Variants in FRMPD1 observed in about 807,000 individuals in gnomAD.
The protein encoded by FRMPD1 is FERM and PDZ domain containing 1.
FRMPD1 carries 76 observed loss-of-function variants against 117.8 expected under a neutral mutation model. That is an observed-to-expected ratio of 0.65 (90% CI 0.54 to 0.78). The LOEUF (loss-of-function observed/expected upper bound fraction) is 0.78. Ranked by LOEUF, FRMPD1 falls within the 30% of genes least tolerant of loss-of-function variation. The probability of loss-of-function intolerance (pLI) is 0.00; values close to 1 mark genes in which losing one functional copy is unlikely to be tolerated. For missense variants in FRMPD1, 1,786 were observed against 1,964.5 expected (o/e 0.91, Z 1.72); for synonymous variants, 783 against 770.4 (o/e 1.02, Z -0.27).
chr9:37,718,619 T>C (rs928475758), intron 5 of FRMPD1, among the ~76,000 whole-genome samples: 1 of 152,218 alleles, frequency 6.6e-6, no homozygotes, highest in African/African-American at 2.4e-5. Context: ...CTAACTCCTA[T>C]ATTGTGTAGA....
chr9:37,646,500 T>C (rs1208391738), upstream of FRMPD1, among the ~76,000 whole-genome samples: 2 of 152,352 alleles, frequency 1.3e-5, no homozygotes, highest in East Asian at 3.9e-4. Context: ...TTCCATACAG[T>C]GTTCTTTCTT....
chr9:37,654,127 G>A (rs867612238), intron 1 of FRMPD1, among the ~76,000 whole-genome samples: 4 of 152,254 alleles, frequency 2.6e-5, no homozygotes, highest in South Asian at 2.1e-4. Context: ...AGAATACATC[G>A]GAACAAAAGG....
chr9:37,696,308 A>G (rs12375538), intron 2 of FRMPD1, among the ~76,000 whole-genome samples: 52,417 of 151,330 alleles, frequency 0.35, 9,722 homozygotes, highest in Non-Finnish European at 0.43. Context: ...TTATAATTAT[A>G]TATATATTTA....
the FRMPD1 span, among the ~76,000 whole-genome samples, chr9:37,604,784 G>A: frequency 6.6e-6 from 1 of 152,302 alleles, no homozygotes; most frequent in East Asian, 1.9e-4. Context: ...AAAAATGAGG[G>A]AACCAGCCAG....
intron 4 of FRMPD1, among the ~76,000 whole-genome samples, chr9:37,710,341 TGCTTCTCCATGGTAGCAGTG>T (rs1822859354): frequency 6.6e-6 from 1 of 152,206 alleles, no homozygotes; most frequent in Admixed American, 6.5e-5. Flanking sequence ...TTTTGCCAAC[TGCTTCTCCATGGTAGCAGTG>T]GCAAAGAGAA....
rs760286622 is a variant in FRMPD1 at position 37,746,123 on chromosome 9, C to T, written c.4091C>T (p.Ala1364Val). The change falls in exon 16 of 16, where the codon GCC (alanine) becomes GTC (valine). Residue 1364 changes from alanine (A) to valine (V), a missense_variant. Transcript: ENST00000377765. ...AGGGACTTGGAAGCACACCCCATGGCCCCCCTCACCTCACCGCCCTCTGCG... is the reference window on the plus strand; with the variant it reads ...AGGGACTTGGAAGCACACCCCATGGTCCCCCTCACCTCACCGCCCTCTGCG... The part of the protein sequence containing the change: ...EDRDLEAHPM[A>V]PLTSPPSAGS... The T allele has an allele frequency of 2.5e-6, 4 of 1,613,988 alleles. No homozygotes were observed. The highest frequency in any genetic ancestry group is 1.7e-5 in the Admixed American group (1 of 60,006).
upstream of FRMPD1, among the ~76,000 whole-genome samples, chr9:37,647,746 A>G (rs952132483): frequency 1.6e-4 from 25 of 152,336 alleles, 1 homozygote; most frequent in Admixed American, 1.1e-3. Flanking sequence ...TATGCTGTAC[A>G]TAAGTACAGC....
chr9:37,673,411 C>T (rs563031339), intron 1 of FRMPD1, among the ~76,000 whole-genome samples: 1 of 152,224 alleles, frequency 6.6e-6, no homozygotes, highest in Non-Finnish European at 1.5e-5. Flanking sequence ...AGGGTACAGC[C>T]TCCCTCCCAG....
rs1322096952 is a variant in FRMPD1 at position 37,731,431 on chromosome 9, C to A, written c.858+328C>A. On this transcript the variant is annotated intron_variant, in intron 9 of 15. Coordinates refer to ENST00000377765, the MANE Select transcript of FRMPD1 (RefSeq NM_014907.3). Reference sequence around the variant, plus strand: ...TTAAAACCTCGTTTTAGAATGATGACACTGAGTCTTGGAAAGGTCGTGTGA... The same window carrying A: ...TTAAAACCTCGTTTTAGAATGATGAAACTGAGTCTTGGAAAGGTCGTGTGA... Among the ~76,000 whole-genome samples the A allele has an allele frequency of 1.3e-5, 2 of 152,148 alleles. 1 individual carries two copies. Among genetic ancestry groups the A allele is most frequent in the East Asian group, 3.8e-4 (2 of 5,202 alleles).
At chr9:37,736,924 C>G (rs1824160905) in intron 13 of FRMPD1, among the ~76,000 whole-genome samples, 172 bp from the exon 14 acceptor site, 1 of 151,726 alleles carries the variant, frequency 6.6e-6, no homozygotes, top group African/African-American at 2.4e-5. Context: ...CGAGTACATG[C>G]ATGTCCTCAT....
rs1824696379 is a variant in FRMPD1, at chr9:37,746,088, G to A, written c.4056G>A (p.Glu1352=). 6.2e-7 allele frequency: 1 copy of A among 1,614,220 alleles called. No homozygotes were observed. The highest frequency in any genetic ancestry group is 1.7e-5 in the Admixed American group (1 of 60,032). The change falls in exon 16 of 16, where the codon GAG becomes GAA. Residue 1352 remains glutamate, a synonymous_variant. Coordinates refer to ENST00000377765, the MANE Select transcript of FRMPD1 (RefSeq NM_014907.3). ...TCCGTGGCCCGCAGCCTGAGACAGAGGAAGAAGACAGGGACTTGGAAGCAC... is the reference window on the plus strand; with the variant it reads ...TCCGTGGCCCGCAGCCTGAGACAGAAGAAGAAGACAGGGACTTGGAAGCAC... ...TCFRGPQPET[E]EEDRDLEAHP...
chr9:37,700,827 A>G (rs1822503645), intron 2 of FRMPD1, among the ~76,000 whole-genome samples: 1 of 152,226 alleles, frequency 6.6e-6, no homozygotes, highest in African/African-American at 2.4e-5. Context: ...GTAAGATCAC[A>G]GAAATGACCT....
Position 37,746,594 on chromosome 9 carries a change from C to T in FRMPD1, c.4562C>T (p.Ala1521Val), listed in dbSNP as rs150133117. The stretch of plus-strand genomic sequence containing the variant: ...TGCTCCGCCCGGCACAGGGAGGCAG[C>T]GGGGAACCTGAGGGATGTGGTGTAC... ...SRCSARHREAAGNLRDVVYTY... is the reference protein window; with the variant it reads ...SRCSARHREAVGNLRDVVYTY... Residue 1521 changes from alanine to valine, a missense_variant, in exon 16 of 16, where the codon GCG (alanine) becomes GTG (valine). Coordinates refer to ENST00000377765, the MANE Select transcript of FRMPD1 (RefSeq NM_014907.3). The T allele has an allele frequency of 8.4e-5, 135 of 1,613,936 alleles. No individual in the cohort carries two copies. The African/African-American group carries it at 1.3e-3, about 16-fold the overall frequency.
chr9:37,632,996 A>G, the FRMPD1 span, among the ~76,000 whole-genome samples: 2 of 143,420 alleles, frequency 1.4e-5, no homozygotes, highest in African/African-American at 5.1e-5. Context: ...AAATATATAC[A>G]TATATTTCTT....
At chr9:37,639,541 T>G in the FRMPD1 span, among the ~76,000 whole-genome samples, 1 of 152,218 alleles carries the variant, frequency 6.6e-6, no homozygotes, top group Non-Finnish European at 1.5e-5. Context: ...TTATGTCTCC[T>G]AGTAGAGCTT....
At chr9:37,639,848 A>C in the FRMPD1 span, among the ~76,000 whole-genome samples, 2 of 152,128 alleles carry the variant, frequency 1.3e-5, no homozygotes, top group East Asian at 3.9e-4. Flanking sequence ...TTTTGTAGAG[A>C]CTGCGTTTTG....
At chr9:37,700,614 A>G (rs1427853243) in intron 2 of FRMPD1, among the ~76,000 whole-genome samples, 1 of 152,232 alleles carries the variant, frequency 6.6e-6, no homozygotes, top group Non-Finnish European at 1.5e-5. Context: ...GTGAAGTGCA[A>G]TCAGTATCCA....
chr9:37,667,278 C>G (rs977717462), intron 1 of FRMPD1, among the ~76,000 whole-genome samples: 1 of 150,758 alleles, frequency 6.6e-6, no homozygotes, highest in Non-Finnish European at 1.5e-5. Context: ...GTTGGCCAGG[C>G]TGGTCTAGAA....
rs62640016 is a variant in FRMPD1 at position 37,745,565 on chromosome 9, C to T, written c.3533C>T (p.Pro1178Leu). Residue 1178 changes from proline (P) to leucine (L), a missense_variant, in exon 16 of 16, where the codon CCT becomes CTT. Physicochemically the swap from Pro to Leu is moderately conservative, Grantham distance 98 (BLOSUM62 -3). Coordinates refer to ENST00000377765, the MANE Select transcript of FRMPD1 (RefSeq NM_014907.3). ...TGTEQIPPHP[P>L]RDPQGQSREP... is the part of the protein sequence containing the mutation. The stretch of plus-strand genomic sequence containing the variant: ...ACCGAGCAGATCCCACCACATCCCC[C>T]TAGAGACCCTCAAGGACAGAGCAGA... 3,431 of 1,614,004 alleles carry T rather than the reference C, an allele frequency of 2.1e-3. 66 individuals are homozygous for T. In the African/African-American group the frequency reaches 0.041, roughly 19 times the overall value.
Sources: gnomAD v4.1 joint callset for allele counts (sites outside exome capture counted in the v4.1 genomes callset) on GRCh38, gnomAD v4.1.1 for gene constraint, MANE v1.5 for transcripts, NCBI Gene and HGNC (gene_info 2026-07-23, HGNC 2026-07-21) for gene names.